PLEKHA7: variants seen among roughly 807,000 people sequenced by gnomAD.
PLEKHA7 encodes pleckstrin homology domain-containing family A member 7.
A neutral mutation model predicts 170.0 loss-of-function variants in PLEKHA7; 104 were observed. That is an observed-to-expected ratio of 0.61 (90% CI 0.52 to 0.72). The LOEUF (loss-of-function observed/expected upper bound fraction) is 0.72. PLEKHA7 is among the 30% of genes least tolerant of loss of function. The pLI is 0.00. For synonymous variants in PLEKHA7, 648 were observed against 660.8 expected (o/e 0.98, Z 0.30); for missense variants, 1,615 against 1,671.7 (o/e 0.97, Z 0.59).
intron 3 of PLEKHA7, among the ~76,000 whole-genome samples, chr11:17,011,173 G>A (rs968728300): frequency 6.6e-6 from 1 of 152,156 alleles, no homozygotes; most frequent in African/African-American, 2.4e-5. Context: ...CCCAGCCCAA[G>A]GCTGCACCTG....
rs186994788 is a variant in PLEKHA7, at chr11:16,802,710, G to A, written c.2157+262C>T. 4.9e-3 allele frequency among the ~76,000 whole-genome samples: 749 copies of A among 152,228 alleles called. 1 individual carries two copies. The highest frequency in any genetic ancestry group is 8.1e-3 in the Non-Finnish European group (552 of 68,016). On this transcript the variant is annotated intron_variant, in intron 15 of 26. Coordinates refer to ENST00000531066, the MANE Select transcript of PLEKHA7 (RefSeq NM_001329630.2). The stretch of plus-strand genomic sequence containing the variant: ...TTACAGGTGCCCACCACCATGCCCA[G>A]CTAATTTTTGTATTTTTAGTGGAGA...
intron 3 of PLEKHA7, among the ~76,000 whole-genome samples, chr11:17,005,569 G>C (rs1461116365): frequency 1.3e-5 from 2 of 151,992 alleles, no homozygotes; most frequent in Admixed American, 6.6e-5. Flanking sequence ...AGAATGGAGA[G>C]GGTGCCATCA....
At position 16,817,282 on chromosome 11, in the gene PLEKHA7, G is replaced by C; in HGVS notation, c.1384C>G (p.Gln462Glu). ...DQTLPRQGPG[Q>E]SLSFPENYQT... ...TAGTTTTCTGGGAAGGACAGGGATT[G>C]GCCAGGACCCTGGCGAGGAAGCGTC... Residue 462 changes from glutamine (Q) to glutamate (E), a missense_variant, in exon 11 of 27, where the codon CAA becomes GAA. By Grantham distance (29) the Gln-to-Glu change is conservative. Coordinates refer to ENST00000531066, the MANE Select transcript of PLEKHA7 (RefSeq NM_001329630.2). The surrounding 1 kb of genome is among the most constrained non-coding windows in gnomAD (Gnocchi z 4.4). The C allele has an allele frequency of 6.2e-7, 1 of 1,613,062 alleles. No homozygotes were observed. Among genetic ancestry groups the C allele is most frequent in the Non-Finnish European group, 8.5e-7 (1 of 1,179,968 alleles).
chr11:16,795,830 G>C (rs940521966), intron 17 of PLEKHA7, among the ~76,000 whole-genome samples: 1 of 142,932 alleles, frequency 7.0e-6, no homozygotes, highest in African/African-American at 2.6e-5. Context: ...TATGTTCTAC[G>C]TATTTTACCA....
intron 13 of PLEKHA7, among the ~76,000 whole-genome samples, chr11:16,811,463 G>A (rs1849365761): frequency 6.6e-6 from 1 of 152,152 alleles, no homozygotes; most frequent in South Asian, 2.1e-4. Flanking sequence ...TGAGGAACGG[G>A]GATATGGTGC....
At chr11:16,990,294 A>AAAAAAAAAC (rs1863969327) in intron 3 of PLEKHA7, among the ~76,000 whole-genome samples, 1 of 148,828 alleles carries the variant, frequency 6.7e-6, no homozygotes, top group South Asian at 2.1e-4. Flanking sequence ...AAAAAAAAAA[A>AAAAAAAAAC]AAAAACTTCT....
At chr11:16,794,381 G>T in intron 19 of PLEKHA7, 107 bp downstream of exon 19, 2 of 1,091,918 alleles carry the variant, frequency 1.8e-6, no homozygotes, top group Non-Finnish European at 2.8e-6. Flanking sequence ...TAGGACGCTG[G>T]CTGGGTCCAT....
chr11:17,011,597 ACCTTCTCAGT>A (rs1473218076), intron 3 of PLEKHA7, among the ~76,000 whole-genome samples: 3 of 151,868 alleles, frequency 2.0e-5, no homozygotes, highest in Non-Finnish European at 4.4e-5. Context: ...GGTTTCTCCT[ACCTTCTCAGT>A]CCTTCTCAGT....
intron 4 of PLEKHA7, among the ~76,000 whole-genome samples, chr11:16,860,090 T>C (rs1021939002): frequency 9.2e-5 from 14 of 152,124 alleles, no homozygotes; most frequent in Admixed American, 6.6e-4. Flanking sequence ...CCTCCTCCCA[T>C]CTGAAATGAA....
At chr11:16,875,198 G>A (rs1855181248) in intron 3 of PLEKHA7, among the ~76,000 whole-genome samples, 1 of 152,056 alleles carries the variant, frequency 6.6e-6, no homozygotes, top group African/African-American at 2.4e-5. Flanking sequence ...AATTTACAAG[G>A]AGCTTTAACT....
At chr11:16,970,454 GT>G (rs1294566540) in intron 3 of PLEKHA7, among the ~76,000 whole-genome samples, 1 of 152,060 alleles carries the variant, frequency 6.6e-6, no homozygotes, top group African/African-American at 2.4e-5. Context: ...CAGTCCAGGA[GT>G]TTAAGACCAG....
chr11:16,801,710 C>T lies in PLEKHA7; in HGVS notation c.2265G>A (p.Glu755=), dbSNP rs1380559502. 6.2e-7 allele frequency: 1 copy of T among 1,614,068 alleles called. No homozygotes were observed. Among genetic ancestry groups the T allele is most frequent in the East Asian group, 2.2e-5 (1 of 44,890 alleles). Residue 755 remains glutamate, a synonymous_variant, in exon 16 of 27, where the codon GAG becomes GAA. Transcript: ENST00000531066. ...KIAYQQKLLQ[E]DLVHIRAELS... ...GCTCAGCTCGGATATGGACAAGGTC[C>T]TCCTGCAGCAACTTCTGCTGGTAGG...
chr11:16,855,043 A>C, intron 5 of PLEKHA7, 50 bp from the exon 6 acceptor site: 1 of 1,520,204 alleles, frequency 6.6e-7, no homozygotes, highest in Non-Finnish European at 9.1e-7. Flanking sequence ...AAGGTGACAC[A>C]AAAAAGCACT....
In PLEKHA7 at chr11:16,778,560, A is replaced by C; in HGVS notation, c.*438T>G. ...GGAGTCTACTGGGAACACCTCTTTAAATCTCACTTTCTCCTGAGGTCATTG... is the reference window on the plus strand; with the variant it reads ...GGAGTCTACTGGGAACACCTCTTTACATCTCACTTTCTCCTGAGGTCATTG... On this transcript the variant is annotated 3_prime_UTR_variant, in exon 27 of 27. Transcript: ENST00000531066. 1 of 214,464 alleles carries C rather than the reference A, an allele frequency of 4.7e-6. No individual in the cohort carries two copies. The highest frequency in any genetic ancestry group is 9.7e-6 in the Non-Finnish European group (1 of 103,008). The allele number at this position is 214,464 out of a possible 1,614,324, so 13.3% of individuals were successfully genotyped here. A position where few individuals can be genotyped will look rare whatever the true frequency, so the allele number is the denominator to read the frequency against.
intron 3 of PLEKHA7, among the ~76,000 whole-genome samples, chr11:16,944,948 A>C (rs563200679): frequency 6.6e-6 from 1 of 152,310 alleles, no homozygotes; most frequent in African/African-American, 2.4e-5. Flanking sequence ...TTTAAGGATC[A>C]GAGGAGTTCA....
intron 3 of PLEKHA7, among the ~76,000 whole-genome samples, chr11:16,899,617 C>T (rs1857204508): frequency 6.6e-6 from 1 of 151,984 alleles, no homozygotes; most frequent in Non-Finnish European, 1.5e-5. Context: ...AGGAATGAGG[C>T]CTGGGAAAGG....
intron 3 of PLEKHA7, among the ~76,000 whole-genome samples, chr11:17,001,675 C>T (rs956248447): frequency 2.6e-5 from 4 of 151,888 alleles, no homozygotes; most frequent in African/African-American, 9.7e-5. Flanking sequence ...GCCAGCAGCC[C>T]CAGGAAGAGA....
chr11:16,898,685 T>G (rs1006356163), intron 3 of PLEKHA7, among the ~76,000 whole-genome samples: 2 of 152,186 alleles, frequency 1.3e-5, no homozygotes, highest in African/African-American at 4.8e-5. Flanking sequence ...TCCTAGGAAG[T>G]GTTTCTGGCA....
chr11:16,847,333 C>A (rs1156350746), intron 8 of PLEKHA7, among the ~76,000 whole-genome samples: 1 of 151,900 alleles, frequency 6.6e-6, no homozygotes, highest in Non-Finnish European at 1.5e-5. Context: ...ACCTCGTGAT[C>A]CGCCCCCCTC....
Sources: allele counts gnomAD v4.1 joint callset (sites outside exome capture counted in the v4.1 genomes callset), GRCh38; gene constraint gnomAD v4.1.1; non-coding constraint Gnocchi (gnomAD v3.1); transcripts MANE v1.5; gene names NCBI Gene and HGNC (gene_info 2026-07-23, HGNC 2026-07-21).